Variants in COL23A1 observed in about 807,000 individuals in gnomAD.
COL23A1 encodes the protein collagen alpha-1(XXIII) chain.
In COL23A1, 97 loss-of-function variants were observed where a neutral mutation model predicts 99.3. The observed-to-expected ratio is 0.98, with a 90% CI of 0.83 to 1.16. The LOEUF (loss-of-function observed/expected upper bound fraction) is 1.16. COL23A1 is among the 50% of genes most tolerant of loss of function. The probability of loss-of-function intolerance (pLI) is 0.00; values close to 1 mark genes in which losing one functional copy is unlikely to be tolerated. For missense variants in COL23A1, 762 were observed against 757.4 expected (o/e 1.01, Z -0.07); for synonymous variants, 320 against 308.2 (o/e 1.04, Z -0.40).
chr5:178,470,504 C>CA (rs1274282891), intron 2 of COL23A1, among the ~76,000 whole-genome samples: 9 of 152,138 alleles, frequency 5.9e-5, no homozygotes, highest in Admixed American at 5.2e-4. Context: ...GGCAAGCCGT[C>CA]AGTGTCGAGC....
At position 178,246,256 on chromosome 5, in the gene COL23A1, T is replaced by A. The variant is rs1338800250; in HGVS notation, c.1411A>T (p.Lys471Ter). The A allele has an allele frequency of 1.3e-6, 2 of 1,553,522 alleles. No homozygotes were observed. Among genetic ancestry groups the A allele is most frequent in the African/African-American group, 1.4e-5 (1 of 73,272 alleles). Residue 471 changes from lysine to a stop codon, truncating the protein, a stop_gained and splice_region_variant, in exon 24 of 29, where the codon AAG becomes TAG. Coordinates refer to ENST00000390654, the MANE Select transcript of COL23A1 (RefSeq NM_173465.4). LOFTEE classifies it high-confidence loss of function. ...GGAGTTCCGAATGAGGCGGTTACCTTCTCTCCTTTGGTTCCTGGCAGCCCA... is the reference window on the plus strand; with the variant it reads ...GGAGTTCCGAATGAGGCGGTTACCTACTCTCCTTTGGTTCCTGGCAGCCCA... ...LIGLPGTKGEKGRPGEPGLDG... is the reference protein window; with the variant it reads ...LIGLPGTKGE
intron 1 of COL23A1, among the ~76,000 whole-genome samples, chr5:178,585,825 C>T (rs1049202187): frequency 8.3e-6 from 1 of 121,090 alleles, no homozygotes; most frequent in Non-Finnish European, 1.8e-5. Flanking sequence ...GGCAACACGC[C>T]CAGCCTCAGG....
At chr5:178,425,937 G>T (rs1765908848) in intron 2 of COL23A1, among the ~76,000 whole-genome samples, 1 of 152,170 alleles carries the variant, frequency 6.6e-6, no homozygotes, top group African/African-American at 2.4e-5. Flanking sequence ...ATGGACTTGT[G>T]CTCCGGTGAA....
chr5:178,246,684 TCA>T (rs1461127313), intron 22 of COL23A1, among the ~76,000 whole-genome samples: 1 of 145,686 alleles, frequency 6.9e-6, no homozygotes, highest in East Asian at 2.1e-4. Flanking sequence ...GTGATTACGG[TCA>T]CACCCATTCC....
At chr5:178,579,723 A>G (rs1049580253) in intron 1 of COL23A1, among the ~76,000 whole-genome samples, 6 of 151,994 alleles carry the variant, frequency 3.9e-5, no homozygotes, top group African/African-American at 1.2e-4. Flanking sequence ...AAGTGCTGGG[A>G]TTACAGGCAT....
intron 2 of COL23A1, among the ~76,000 whole-genome samples, chr5:178,371,591 C>A (rs10066760): frequency 0.07 from 10,696 of 152,260 alleles, 621 homozygotes; most frequent in African/African-American, 0.16. Flanking sequence ...CTGTCACCAA[C>A]CCCTGGGCCA....
intron 2 of COL23A1, among the ~76,000 whole-genome samples, chr5:178,377,536 C>A (rs991527352): frequency 6.6e-5 from 10 of 152,214 alleles, no homozygotes; most frequent in Admixed American, 6.5e-4. Context: ...CTTTTCTTCA[C>A]CCTCTGCCAC....
intron 1 of COL23A1, among the ~76,000 whole-genome samples, chr5:178,575,200 C>T (rs562042986): frequency 5.3e-5 from 8 of 152,244 alleles, no homozygotes; most frequent in African/African-American, 1.9e-4. Flanking sequence ...AAACAGGAAC[C>T]TCCAGGTCTT....
intron 2 of COL23A1, among the ~76,000 whole-genome samples, chr5:178,404,838 C>G (rs1036180608): frequency 2.6e-5 from 4 of 152,196 alleles, no homozygotes; most frequent in African/African-American, 9.7e-5. Context: ...TCTCCCTTTC[C>G]CTGTCTCACT....
chr5:178,448,772 C>T (rs1414900547), intron 2 of COL23A1, among the ~76,000 whole-genome samples: 3 of 152,142 alleles, frequency 2.0e-5, no homozygotes, highest in African/African-American at 7.2e-5. Context: ...GTTTCCCACA[C>T]ATGAAGTCTG....
intron 2 of COL23A1, among the ~76,000 whole-genome samples, chr5:178,401,489 G>C (rs1009966902): frequency 6.6e-6 from 1 of 151,674 alleles, no homozygotes; most frequent in African/African-American, 2.4e-5. Flanking sequence ...TGTGTCAATA[G>C]TCTGTTCCTG....
rs73803010 is a variant in COL23A1 at position 178,387,762 on chromosome 5, A to C, written c.362-80843T>G. 0.016 allele frequency among the ~76,000 whole-genome samples: 2,369 copies of C among 152,332 alleles called. 67 individuals are homozygous for C. Among genetic ancestry groups the C allele is most frequent in the African/African-American group, 0.054 (2,255 of 41,566 alleles). On this transcript the variant is annotated intron_variant, in intron 2 of 28. Coordinates refer to ENST00000390654, the MANE Select transcript of COL23A1 (RefSeq NM_173465.4). The surrounding 1 kb of genome is among the most constrained non-coding windows in gnomAD (Gnocchi z 4.7). ...GTGGGTCTGAGTTCTCCCTACAGAC[A>C]GTGTGGGCCATTTTCCCCCGCGCTG...
intron 3 of COL23A1, among the ~76,000 whole-genome samples, chr5:178,298,397 G>A (rs1296427970): frequency 6.6e-6 from 1 of 152,204 alleles, no homozygotes; most frequent in Non-Finnish European, 1.5e-5. Flanking sequence ...GAACAATCAT[G>A]TCTCCAGTGT....
rs369162977 is a variant in COL23A1 at position 178,527,336 on chromosome 5, G to A, written c.361+33346C>T. ...GCCGGGGTCTAGATGTTTCCACACC[G>A]TCCCTGCAGCCTCCTGACTTTCTAT... On this transcript the variant is annotated intron_variant, in intron 2 of 28. Transcript: ENST00000390654. Among the ~76,000 whole-genome samples, 61 of 152,314 alleles carry A rather than the reference G, an allele frequency of 4.0e-4. 2 individuals carry two copies. The South Asian group carries it at 9.1e-3, about 23-fold the overall frequency.
At chr5:178,575,260 G>T (rs1010427318) in intron 1 of COL23A1, among the ~76,000 whole-genome samples, 10 of 152,104 alleles carry the variant, frequency 6.6e-5, no homozygotes, top group African/African-American at 2.4e-4. Context: ...GGATAATTGG[G>T]CAGTTAGGAA....
chr5:178,238,767 C>T, intron 28 of COL23A1, 67 bp from the exon 29 acceptor site: 1 of 1,597,794 alleles, frequency 6.3e-7, no homozygotes, highest in Non-Finnish European at 8.6e-7. Context: ...TCCAGGCCAC[C>T]TTGCCTGGCC....
At chr5:178,529,316 C>T (rs971658581) in intron 2 of COL23A1, among the ~76,000 whole-genome samples, 1 of 150,862 alleles carries the variant, frequency 6.6e-6, no homozygotes, top group Non-Finnish European at 1.5e-5. Flanking sequence ...CCAGACAAAT[C>T]ACAGTGAAGC....
intron 2 of COL23A1, among the ~76,000 whole-genome samples, chr5:178,336,410 A>G (rs1760319061): frequency 6.6e-6 from 1 of 152,258 alleles, no homozygotes; most frequent in South Asian, 2.1e-4. Context: ...CAGCCATAAA[A>G]AGGAATGAAG....
At chr5:178,335,511 C>T (rs11954351) in intron 2 of COL23A1, among the ~76,000 whole-genome samples, 6,997 of 152,284 alleles carry the variant, frequency 0.046, 190 homozygotes, top group Middle Eastern at 0.14. Flanking sequence ...GAATATGCAG[C>T]GCCTGGGCAT....
Sources: allele counts gnomAD v4.1 joint callset (sites outside exome capture counted in the v4.1 genomes callset), GRCh38; gene constraint gnomAD v4.1.1; non-coding constraint Gnocchi (gnomAD v3.1); transcripts MANE v1.5; gene names NCBI Gene and HGNC (gene_info 2026-07-23, HGNC 2026-07-21).